Variants in PTPRD observed in about 807,000 individuals in gnomAD.
The protein encoded by PTPRD is protein tyrosine phosphatase receptor type D, also known as receptor-type tyrosine-protein phosphatase delta.
A neutral mutation model predicts 214.5 loss-of-function variants in PTPRD; 34 were observed. That is an observed-to-expected ratio of 0.16 (90% CI 0.12 to 0.21). The LOEUF (loss-of-function observed/expected upper bound fraction) is 0.21, where lower values mean the gene tolerates loss of function less well. Among genes scored for constraint, PTPRD ranks in the 10% least tolerant of loss-of-function variants. PTPRD has a pLI of 1.00. For synonymous variants in PTPRD, 1,128 were observed against 845.7 expected (o/e 1.33, Z -5.79); for missense variants, 2,545 against 2,398.7 (o/e 1.06, Z -1.27).
intron 11 of PTPRD, among the ~76,000 whole-genome samples, chr9:8,905,043 C>T (rs943114075): frequency 1.4e-4 from 21 of 152,098 alleles, no homozygotes; most frequent in Admixed American, 1.3e-3. Flanking sequence ...TTAAATGACA[C>T]AAATGATTAG....
At chr9:8,640,596 C>T (rs1356125465) in intron 12 of PTPRD, among the ~76,000 whole-genome samples, 2 of 145,846 alleles carry the variant, frequency 1.4e-5, no homozygotes, top group East Asian at 4.0e-4. Context: ...TAAAAGGGCT[C>T]TTAAATTTAT....
chr9:9,992,410 G>C (rs1372227889), intron 4 of PTPRD, among the ~76,000 whole-genome samples: 1 of 152,180 alleles, frequency 6.6e-6, no homozygotes. Context: ...CAAGGATCTA[G>C]AACTAGAAAT....
intron 3 of PTPRD, among the ~76,000 whole-genome samples, chr9:10,092,260 A>C (rs2098439621): frequency 6.6e-6 from 1 of 151,602 alleles, no homozygotes; most frequent in Admixed American, 6.6e-5. Flanking sequence ...CCATTTAGAT[A>C]TATAATTGCA....
chr9:9,752,803 C>A (rs2098534071), intron 6 of PTPRD, among the ~76,000 whole-genome samples: 1 of 151,890 alleles, frequency 6.6e-6, no homozygotes, highest in Admixed American at 6.6e-5. Context: ...CCTGGCACGA[C>A]CTTTCTAGGA....
rs554686782 is a variant in PTPRD at position 10,044,113 on chromosome 9, T to C, written c.-544-10323A>G. Among the ~76,000 whole-genome samples, 9 of 151,864 alleles carry C rather than the reference T, an allele frequency of 5.9e-5. 1 individual carries two copies. The highest frequency in any genetic ancestry group is 5.3e-4 in the Admixed American group (8 of 15,198). ...GGAAGTTGTTTCTTGTTCAACACCC[T>C]GGCCATCTACTGTTGAAGACATCTA... is the stretch of plus-strand genomic sequence containing the variant. On this transcript the variant is annotated intron_variant, in intron 3 of 45. Coordinates refer to ENST00000381196, the MANE Select transcript of PTPRD (RefSeq NM_002839.4).
intron 2 of PTPRD, among the ~76,000 whole-genome samples, chr9:10,394,299 A>G (rs116966943): frequency 0.066 from 9,886 of 149,774 alleles, 424 homozygotes; most frequent in Non-Finnish European, 0.1. Flanking sequence ...GCCTCAACAT[A>G]CTTCTTTTGA....
At chr9:10,196,248 T>G (rs2099397607) in intron 3 of PTPRD, among the ~76,000 whole-genome samples, 1 of 152,190 alleles carries the variant, frequency 6.6e-6, no homozygotes, top group Admixed American at 6.6e-5. Context: ...CTCTGAGTTT[T>G]GTAAACCCAG....
At chr9:9,021,854 G>A (rs2099570905) in intron 10 of PTPRD, among the ~76,000 whole-genome samples, 1 of 151,964 alleles carries the variant, frequency 6.6e-6, no homozygotes, top group Non-Finnish European at 1.5e-5. Context: ...TGTGCTTTAA[G>A]CTAAGTGTTA....
intron 10 of PTPRD, among the ~76,000 whole-genome samples, chr9:9,134,273 C>T (rs1403124601): frequency 1.4e-5 from 2 of 139,174 alleles, no homozygotes; most frequent in Non-Finnish European, 3.0e-5. Flanking sequence ...CGAGGTTTCA[C>T]CTTGTTAGCC....
At chr9:9,363,411 T>G (rs1212257450) in intron 9 of PTPRD, among the ~76,000 whole-genome samples, 1 of 151,358 alleles carries the variant, frequency 6.6e-6, no homozygotes, top group African/African-American at 2.4e-5. Flanking sequence ...AAATGGATTC[T>G]CAAACATTTC....
intron 5 of PTPRD, among the ~76,000 whole-genome samples, chr9:9,779,718 C>A (rs1028644321): frequency 3.3e-5 from 5 of 152,120 alleles, no homozygotes; most frequent in South Asian, 4.2e-4. Flanking sequence ...GCTGGTAAGG[C>A]TATGGAGAAA....
intron 4 of PTPRD, among the ~76,000 whole-genome samples, chr9:9,947,109 G>C (rs566297783): frequency 1.3e-5 from 2 of 149,734 alleles, no homozygotes; most frequent in South Asian, 4.2e-4. Context: ...TGGAAGAACT[G>C]AAAAGTTGAC....
intron 11 of PTPRD, among the ~76,000 whole-genome samples, chr9:8,795,399 C>G (rs1056170999): frequency 1.3e-5 from 2 of 152,074 alleles, no homozygotes; most frequent in Non-Finnish European, 2.9e-5. Flanking sequence ...AACTCCTGAC[C>G]TCAGGCAATT....
intron 4 of PTPRD, among the ~76,000 whole-genome samples, chr9:10,024,876 C>T (rs1339023642): frequency 4.1e-5 from 6 of 147,440 alleles, no homozygotes; most frequent in East Asian, 2.1e-4. Context: ...TGAGAACATG[C>T]GGTGTTTGGT....
rs202005882 is a variant in PTPRD, at chr9:10,126,419, T to TTA, written c.-544-92631_-544-92630dup. Among the ~76,000 whole-genome samples, 609 of 135,588 alleles carry TTA rather than the reference T, an allele frequency of 4.5e-3. 4 individuals carry two copies. Among genetic ancestry groups the TTA allele is most frequent in the African/African-American group, 0.016 (579 of 35,276 alleles). The allele number at this position is 135,588 out of a possible 152,430, so 89.0% of individuals were successfully genotyped here. ...ATTTGATTCCTTAAATAATACTGTT[T>TTA]TATATATACACACACACACACACAC... On this transcript the variant is annotated intron_variant, in intron 3 of 45. Transcript: ENST00000381196.
At chr9:9,046,980 C>A (rs564097291) in intron 10 of PTPRD, among the ~76,000 whole-genome samples, 72 of 152,162 alleles carry the variant, frequency 4.7e-4, no homozygotes, top group Middle Eastern at 3.4e-3. Flanking sequence ...GTCAAATAAT[C>A]CTTGCTTGCA....
In PTPRD at chr9:8,708,679, C is replaced by CAA. The variant is rs765081509; in HGVS notation, c.64+25099_64+25100dup. Among the ~76,000 whole-genome samples the CAA allele has an allele frequency of 9.7e-3, 379 of 39,074 alleles. 8 individuals carry two copies. The highest frequency in any genetic ancestry group is 0.02 in the East Asian group (21 of 1,044). The allele number at this position is 39,074 out of a possible 152,430, so 25.6% of individuals were successfully genotyped here. A position where few individuals can be genotyped will look rare whatever the true frequency, so the allele number is the denominator to read the frequency against. On this transcript the variant is annotated intron_variant, in intron 12 of 45. Transcript: ENST00000381196. Reference sequence around the variant, plus strand: ...GGGTGACAAGAGCGAGACTCTGTCTCAAAAAAAAAAAAAAAAAAAAAAAAA... The same window carrying CAA: ...GGGTGACAAGAGCGAGACTCTGTCTCAAAAAAAAAAAAAAAAAAAAAAAAAAA...
At position 8,499,599 on chromosome 9, in the gene PTPRD, G is replaced by T. The variant is rs764372635; in HGVS notation, c.2322+48C>A. ...AGAGCAATTTCAGGATATGAACTAAGATAAACTTATTATATAAAAACAGAG... is the reference window on the plus strand; with the variant it reads ...AGAGCAATTTCAGGATATGAACTAATATAAACTTATTATATAAAAACAGAG... On this transcript the variant is annotated intron_variant, in intron 25 of 45. Coordinates refer to ENST00000381196, the MANE Select transcript of PTPRD (RefSeq NM_002839.4). The T allele has an allele frequency of 2.6e-6, 4 of 1,560,608 alleles. No homozygotes were observed. In the Admixed American group the frequency reaches 6.3e-5, roughly 24 times the overall value.
chr9:10,190,611 G>T (rs545013813), intron 3 of PTPRD, among the ~76,000 whole-genome samples: 2 of 149,932 alleles, frequency 1.3e-5, no homozygotes, highest in African/African-American at 4.9e-5. Flanking sequence ...CCAACTGCTC[G>T]GGAGGCTGAG....
Sources: gnomAD v4.1 joint callset for allele counts (sites outside exome capture counted in the v4.1 genomes callset) on GRCh38, gnomAD v4.1.1 for gene constraint, MANE v1.5 for transcripts, NCBI Gene and HGNC (gene_info 2026-07-23, HGNC 2026-07-21) for gene names.